The following BRSK2 variants were observed in gnomAD, a reference collection of about 807,000 sequenced individuals.
BRSK2 encodes the protein serine/threonine-protein kinase BRSK2.
BRSK2 carries 19 observed loss-of-function variants against 83.3 expected under a neutral mutation model. That is an observed-to-expected ratio of 0.23 (90% CI 0.16 to 0.33). The LOEUF (loss-of-function observed/expected upper bound fraction) is 0.33, where lower values mean the gene tolerates loss of function less well. Ranked by LOEUF, BRSK2 falls within the 10% of genes least tolerant of loss-of-function variation. The pLI is 1.00. For missense variants in BRSK2, 798 were observed against 1,042.3 expected (o/e 0.77, Z 3.23); for synonymous variants, 519 against 435.4 (o/e 1.19, Z -2.39).
chr11:1,453,020 C>T lies in BRSK2; in HGVS notation c.1545-1465C>T, dbSNP rs73411410. ...GGCTGATGTCCTTGAGTCTGAAGTG[C>T]TAGCTGGAAGCCCAGGCAGTTTCCA... is the stretch of plus-strand genomic sequence containing the variant. On this transcript the variant is annotated intron_variant, in intron 15 of 19. Coordinates refer to ENST00000528841, the MANE Select transcript of BRSK2 (RefSeq NM_001256627.2). 8.1e-4 allele frequency among the ~76,000 whole-genome samples: 124 copies of T among 152,362 alleles called. 1 individual carries two copies. Among genetic ancestry groups the T allele is most frequent in the African/African-American group, 2.9e-3 (120 of 41,582 alleles).
At chr11:1,417,296 T>A (rs73409570) in intron 1 of BRSK2, among the ~76,000 whole-genome samples, 4,634 of 152,350 alleles carry the variant, frequency 0.03, 245 homozygotes, top group African/African-American at 0.11. Flanking sequence ...CCTCCCTTTT[T>A]TGCTTTGGTG....
chr11:1,449,895 C>G lies in BRSK2; in HGVS notation c.1287+59C>G, dbSNP rs998264528. 3 of 1,361,236 alleles carry G rather than the reference C, an allele frequency of 2.2e-6. No individual in the cohort carries two copies. In the African/African-American group the frequency reaches 4.3e-5, roughly 20 times the overall value. 84.3% of individuals were successfully genotyped at this position (1,361,236 alleles called of 1,614,324 possible). The stretch of plus-strand genomic sequence containing the variant: ...GCACAGAGGCCCCAACCCTCCCAGT[C>G]AGCGTGTGCCAGGGTGGGGGCAGCC... On this transcript the variant is annotated intron_variant, in intron 13 of 19. Coordinates refer to ENST00000528841, the MANE Select transcript of BRSK2 (RefSeq NM_001256627.2).
chr11:1,411,782 C>G, intron 1 of BRSK2: 1 of 1,187,698 alleles, frequency 8.4e-7, no homozygotes, highest in Non-Finnish European at 1.2e-6. Context: ...CGGGTTCCTA[C>G]GCTGGCGCTG....
intron 15 of BRSK2, among the ~76,000 whole-genome samples, chr11:1,453,453 T>G (rs1001749134): frequency 1.6e-4 from 24 of 152,220 alleles, no homozygotes; most frequent in Non-Finnish European, 2.6e-4. Flanking sequence ...CTTTGTGCAC[T>G]TCCTGGCTCC....
intron 12 of BRSK2, chr11:1,447,848 T>C: frequency 6.3e-7 from 1 of 1,597,006 alleles, no homozygotes; most frequent in Non-Finnish European, 8.5e-7. Context: ...CATCCCCAAT[T>C]CAGCAAAGAA....
rs577481001 is a variant in BRSK2 at position 1,411,524 on chromosome 11, C to T, written c.91+21149C>T. On this transcript the variant is annotated intron_variant, in intron 1 of 19. Coordinates refer to ENST00000528841, the MANE Select transcript of BRSK2 (RefSeq NM_001256627.2). ...GCCCAGCGGTGGGCAGGGGAGGGGC[C>T]GCACATCACAGAGTGCCAGCTGGCC... The T allele has an allele frequency of 9.5e-5, 145 of 1,529,336 alleles. No individual in the cohort carries two copies. The South Asian group carries it at 1.2e-3, about 13-fold the overall frequency. The allele number at this position is 1,529,336 out of a possible 1,614,324, so 94.7% of individuals were successfully genotyped here. A position where few individuals can be genotyped will look rare whatever the true frequency, so the allele number is the denominator to read the frequency against.
rs374394292 is a variant in BRSK2, at chr11:1,450,814, C to T, written c.1495+20C>T. Reference sequence around the variant, plus strand: ...TGCAAGGTGAGTGTCTGCCCGGAGGCGCCAGAGTGGGGCTGGGAGAGAGCA... The same window carrying T: ...TGCAAGGTGAGTGTCTGCCCGGAGGTGCCAGAGTGGGGCTGGGAGAGAGCA... On this transcript the variant is annotated intron_variant, in intron 14 of 19. Transcript: ENST00000528841. 30 of 1,578,446 alleles carry T rather than the reference C, an allele frequency of 1.9e-5. No individual in the cohort carries two copies. Among genetic ancestry groups the T allele is most frequent in the African/African-American group, 6.8e-5 (5 of 72,994 alleles).
chr11:1,421,933 C>G (rs1848667771), intron 1 of BRSK2, among the ~76,000 whole-genome samples: 1 of 148,930 alleles, frequency 6.7e-6, no homozygotes, highest in Non-Finnish European at 1.5e-5. Flanking sequence ...GCACGGCGGC[C>G]TGACCAGGGC....
At chr11:1,396,395 G>A (rs573587518) in intron 1 of BRSK2, among the ~76,000 whole-genome samples, 65 of 152,270 alleles carry the variant, frequency 4.3e-4, no homozygotes, top group Admixed American at 1.4e-3. Context: ...GGGCCTAAGC[G>A]AGCTCTCCTG....
Position 1,425,871 on chromosome 11 carries a change from G to A in BRSK2, c.92-10169G>A, listed in dbSNP as rs182965922. On this transcript the variant is annotated intron_variant, in intron 1 of 19. Transcript: ENST00000528841. ...GAAGAGGTGTGGGGCAGGGGAGGGCGTGGGGGGAACGCTGAGTTTCCTGGG... is the reference window on the plus strand; with the variant it reads ...GAAGAGGTGTGGGGCAGGGGAGGGCATGGGGGGAACGCTGAGTTTCCTGGG... Among the ~76,000 whole-genome samples the A allele has an allele frequency of 9.8e-5, 15 of 152,328 alleles. No homozygotes were observed. In the East Asian group the frequency reaches 1.2e-3, roughly 12 times the overall value.
At chr11:1,399,722 G>T (rs1846350706) in intron 1 of BRSK2, among the ~76,000 whole-genome samples, 1 of 152,194 alleles carries the variant, frequency 6.6e-6, no homozygotes, top group African/African-American at 2.4e-5. Flanking sequence ...CTTCTGCCGG[G>T]TGGACATGGG....
chr11:1,436,142 G>T lies in BRSK2; in HGVS notation c.186+8G>T. 1 of 1,175,130 alleles carries T rather than the reference G, an allele frequency of 8.5e-7. No homozygotes were observed. Among genetic ancestry groups the T allele is most frequent in the East Asian group, 2.9e-5 (1 of 34,714 alleles). The allele number at this position is 1,175,130 out of a possible 1,614,324, so 72.8% of individuals were successfully genotyped here. A position where few individuals can be genotyped will look rare whatever the true frequency, so the allele number is the denominator to read the frequency against. On this transcript the variant is annotated splice_region_variant and intron_variant, in intron 2 of 19. Coordinates refer to ENST00000528841, the MANE Select transcript of BRSK2 (RefSeq NM_001256627.2). The stretch of plus-strand genomic sequence containing the variant: ...GAGTCGGTGCTGATGAAGGTGGGTG[G>T]GGCCGGGGAGGGAGGCGGGGCCGGC...
chr11:1,418,335 A>T (rs1375502309), intron 1 of BRSK2, among the ~76,000 whole-genome samples: 4 of 122,434 alleles, frequency 3.3e-5, no homozygotes, highest in Admixed American at 8.3e-5. Context: ...AGAGTGGGTC[A>T]CCTGTGTCCT....
Position 1,445,158 on chromosome 11 carries a change from C to CCT in BRSK2, c.813-136_813-135insCT. 5 of 1,460,768 alleles carry CCT rather than the reference C, an allele frequency of 3.4e-6. No homozygotes were observed. In the South Asian group the frequency reaches 6.2e-5, roughly 18 times the overall value. The allele number at this position is 1,460,768 out of a possible 1,614,324, so 90.5% of individuals were successfully genotyped here. ...CGCTGGGTGCGGGGTGCGGGCAGGA[C>CCT]GCAGGAGGCCTCCCCGGGCTGGGCA... is the stretch of plus-strand genomic sequence containing the variant. On this transcript the variant is annotated intron_variant, in intron 9 of 19. Transcript: ENST00000528841.
intron 2 of BRSK2, among the ~76,000 whole-genome samples, chr11:1,437,709 C>T (rs1850513902): frequency 6.6e-6 from 1 of 152,240 alleles, no homozygotes; most frequent in Admixed American, 6.5e-5. Context: ...GCCCCTCCTC[C>T]TGTGAGGCCT....
chr11:1,400,607 GAC>G (rs1846411166), intron 1 of BRSK2, among the ~76,000 whole-genome samples: 1 of 152,130 alleles, frequency 6.6e-6, no homozygotes, highest in Admixed American at 6.5e-5. Flanking sequence ...CCCGCCTGGG[GAC>G]ACACATGCTG....
chr11:1,446,755 C>T (rs972750274), intron 12 of BRSK2, among the ~76,000 whole-genome samples: 1 of 152,210 alleles, frequency 6.6e-6, no homozygotes, highest in African/African-American at 2.4e-5. Context: ...AAACGTCCCT[C>T]ACCAGGTGGC....
intron 1 of BRSK2, among the ~76,000 whole-genome samples, chr11:1,413,920 T>C (rs7102838): frequency 0.84 from 126,860 of 151,908 alleles, 53,892 homozygotes; most frequent in African/African-American, 0.96. Context: ...CTCTGCCTTC[T>C]GCCCCGAGGA....
rs2133302484 is a variant in BRSK2, at chr11:1,459,579, C to T, written c.1987+340C>T. The T allele has an allele frequency of 1.2e-5, 4 of 345,490 alleles. No homozygotes were observed. In the South Asian group the frequency reaches 1.4e-4, roughly 12 times the overall value. The allele number at this position is 345,490 out of a possible 1,614,324, so 21.4% of individuals were successfully genotyped here. On this transcript the variant is annotated intron_variant, in intron 19 of 19. Coordinates refer to ENST00000528841, the MANE Select transcript of BRSK2 (RefSeq NM_001256627.2). ...GCCTAGGGGAGGGGCCGGTGCCCAT[C>T]CCTCTGTCCACTGGAGGCTGTGCCT...
Sources: gnomAD v4.1 joint callset for allele counts (sites outside exome capture counted in the v4.1 genomes callset) on GRCh38, gnomAD v4.1.1 for gene constraint, MANE v1.5 for transcripts, NCBI Gene and HGNC (gene_info 2026-07-23, HGNC 2026-07-21) for gene names.